Variants in ZNF385D observed in about 807,000 individuals in gnomAD.
ZNF385D encodes zinc finger protein 659.
A neutral mutation model predicts 35.8 loss-of-function variants in ZNF385D; 15 were observed. The observed-to-expected ratio is 0.42, with a 90% confidence interval of 0.28 to 0.64. ZNF385D has a LOEUF of 0.64. ZNF385D is among the 30% of genes least tolerant of loss of function. The pLI is 0.23. For synonymous variants in ZNF385D, 212 were observed against 186.8 expected, an observed-to-expected ratio of 1.13 and a Z score of -1.10; for missense variants, 474 against 494.6, an observed-to-expected ratio of 0.96 and a Z score of 0.39.
At chr3:22,316,919 C>A (rs554892112) in intron 2 of ZNF385D, among the ~76,000 whole-genome samples, 1 of 152,124 alleles carries the variant, frequency 6.6e-6, no homozygotes, top group Non-Finnish European at 1.5e-5. Context: ...TACCCTTCAC[C>A]AAGTGCAGGA....
intron 3 of ZNF385D, among the ~76,000 whole-genome samples, chr3:21,945,223 G>A (rs1689212988): frequency 6.6e-6 from 1 of 151,936 alleles, no homozygotes; most frequent in African/African-American, 2.4e-5. Context: ...AAGAGAGAAA[G>A]AGACAGAGAG....
Position 22,281,363 on chromosome 3 carries a change from G to A in ZNF385D, c.106+91087C>T, listed in dbSNP as rs1031911060. On this transcript the variant is annotated intron_variant, in intron 2 of 5. Coordinates refer to the ZNF385D transcript ENST00000494108. Reference sequence around the variant, plus strand: ...CTTTTCCCCACTCAGTATAATGTGGGCTATGGGTTTGTAATACATGGCTTT... The same window carrying A: ...CTTTTCCCCACTCAGTATAATGTGGACTATGGGTTTGTAATACATGGCTTT... Among the ~76,000 whole-genome samples the A allele has an allele frequency of 2.6e-5, 4 of 152,174 alleles. 1 individual carries two copies. The highest frequency in any genetic ancestry group is 2.6e-4 in the Admixed American group (4 of 15,268).
chr3:22,292,394 C>A (rs887003306), intron 2 of ZNF385D, among the ~76,000 whole-genome samples: 2 of 151,940 alleles, frequency 1.3e-5, no homozygotes, highest in African/African-American at 4.8e-5. Flanking sequence ...AAACTCTAAG[C>A]TTTTAAGTAT....
At chr3:21,512,210 A>G (rs1322209223) in intron 3 of ZNF385D, among the ~76,000 whole-genome samples, 3 of 151,048 alleles carry the variant, frequency 2.0e-5, no homozygotes, top group African/African-American at 7.3e-5. Context: ...ATGTATGTTT[A>G]TTAATGTTTA....
chr3:21,664,387 C>T lies in ZNF385D; in HGVS notation c.165+499G>A, dbSNP rs114869420. On this transcript the variant is annotated intron_variant, in intron 2 of 7. Transcript: ENST00000281523. Reference sequence around the variant, plus strand: ...CACACTAAAACTCTTGCTACCAGAACCCTGAGTTGTTTTAAGTTAATGGTG... The same window carrying T: ...CACACTAAAACTCTTGCTACCAGAATCCTGAGTTGTTTTAAGTTAATGGTG... 4.2e-3 allele frequency among the ~76,000 whole-genome samples: 645 copies of T among 152,218 alleles called. 6 individuals carry two copies. Among genetic ancestry groups the T allele is most frequent in the African/African-American group, 0.014 (600 of 41,532 alleles).
intron 3 of ZNF385D, among the ~76,000 whole-genome samples, chr3:22,152,890 C>T (rs1175843186): frequency 6.6e-6 from 1 of 152,084 alleles, no homozygotes; most frequent in Non-Finnish European, 1.5e-5. Context: ...AACCCATTGG[C>T]CACACTTACA....
intron 3 of ZNF385D, among the ~76,000 whole-genome samples, chr3:21,858,309 G>A (rs956250086): frequency 6.6e-6 from 1 of 151,832 alleles, no homozygotes; most frequent in Non-Finnish European, 1.5e-5. Context: ...TTCTAACATC[G>A]GCCACCAAGG....
chr3:21,419,451 G>C lies in ZNF385D; in HGVS notation c.*1763C>G, dbSNP rs1700648066. 1 of 152,084 alleles carries C rather than the reference G, an allele frequency of 6.6e-6. No homozygotes were observed. The highest frequency in any genetic ancestry group is 6.5e-5 in the Admixed American group (1 of 15,268). 9.4% of individuals were successfully genotyped at this position (152,084 alleles called of 1,614,324 possible). On this transcript the variant is annotated 3_prime_UTR_variant, in exon 8 of 8. Transcript: ENST00000281523. ...CCTATGTCTCAAATGGTTTCCTCTT[G>C]ATTCTTTATACCTCTCCAAGGGTTA...
At chr3:21,831,453 C>G (rs1433363948) in intron 3 of ZNF385D, among the ~76,000 whole-genome samples, 1 of 152,108 alleles carries the variant, frequency 6.6e-6, no homozygotes, top group Admixed American at 6.5e-5. Context: ...ACAAATGATC[C>G]CTAGACTGGG....
intron 3 of ZNF385D, among the ~76,000 whole-genome samples, chr3:22,113,335 G>A (rs1057331462): frequency 3.3e-5 from 5 of 152,166 alleles, no homozygotes; most frequent in Admixed American, 3.3e-4. Flanking sequence ...TTTAGGAAAG[G>A]TTCCAGTACC....
intron 2 of ZNF385D, chr3:22,169,066 A>C: frequency 1.0e-6 from 1 of 958,682 alleles, no homozygotes; most frequent in Non-Finnish European, 1.2e-6. Context: ...ATGAACAAGC[A>C]GATCAAGATT....
chr3:22,343,487 G>A (rs1695515306), intron 2 of ZNF385D, among the ~76,000 whole-genome samples: 1 of 152,214 alleles, frequency 6.6e-6, no homozygotes, highest in Non-Finnish European at 1.5e-5. Flanking sequence ...TCCCCTGGTG[G>A]GACTACCCTG....
chr3:21,995,478 A>G (rs1559831238), intron 3 of ZNF385D, among the ~76,000 whole-genome samples: 1 of 152,094 alleles, frequency 6.6e-6, no homozygotes, highest in East Asian at 1.9e-4. Context: ...ACCCATCTCC[A>G]GGCCCCCTGA....
chr3:21,949,551 TTTC>T (rs1370813743), intron 3 of ZNF385D, among the ~76,000 whole-genome samples: 6 of 29,410 alleles, frequency 2.0e-4, no homozygotes, highest in Admixed American at 5.6e-4. Context: ...CTTTTCTTTC[TTTC>T]TTTTTTTTTT....
At chr3:22,204,612 G>A (rs1458264055) in intron 2 of ZNF385D, among the ~76,000 whole-genome samples, 1 of 151,824 alleles carries the variant, frequency 6.6e-6, no homozygotes, top group Non-Finnish European at 1.5e-5. Flanking sequence ...AGAAATTCAA[G>A]AAAATACAGA....
At chr3:21,639,201 CTTTAT>C (rs1559480985) in intron 2 of ZNF385D, among the ~76,000 whole-genome samples, 3 of 151,926 alleles carry the variant, frequency 2.0e-5, no homozygotes, top group African/African-American at 7.2e-5. Context: ...CTCTTCCCTG[CTTTAT>C]TTTTTTTCCA....
At chr3:22,357,376 C>T (rs1186360552) in intron 2 of ZNF385D, among the ~76,000 whole-genome samples, 1 of 151,792 alleles carries the variant, frequency 6.6e-6, no homozygotes, top group Non-Finnish European at 1.5e-5. Flanking sequence ...AAATTAATGT[C>T]ACTTATAATC....
intron 2 of ZNF385D, among the ~76,000 whole-genome samples, chr3:22,198,623 T>C (rs1255312894): frequency 6.6e-6 from 1 of 152,142 alleles, no homozygotes; most frequent in East Asian, 1.9e-4. Context: ...TTCAGACCTT[T>C]AATTTTTTTC....
In ZNF385D at chr3:21,816,284, C is replaced by T. The variant is rs2073145177; in HGVS notation, c.326-151256G>A. On this transcript the variant is annotated intron_variant, in intron 3 of 5. Transcript: ENST00000494108. ...AAAACTGGCACAAGACAGGGATGCC[C>T]TCTCTCACCACTCCTATGCAAAATA... 2.0e-5 allele frequency among the ~76,000 whole-genome samples: 3 copies of T among 152,126 alleles called. 1 individual carries two copies. Among genetic ancestry groups the T allele is most frequent in the South Asian group, 4.1e-4 (2 of 4,828 alleles).
Sources: allele counts gnomAD v4.1 joint callset (sites outside exome capture counted in the v4.1 genomes callset), GRCh38; gene constraint gnomAD v4.1.1; transcripts MANE v1.5; gene names NCBI Gene and HGNC (gene_info 2026-07-23, HGNC 2026-07-21).